The following RMST variants were observed in gnomAD, a reference collection of about 807,000 sequenced individuals.
RMST encodes rhabdomyosarcoma 2 associated transcript.
At chr12:97,464,793 T>C (rs979022110) in intron 4 of RMST, 8 of 152,216 alleles carry the variant, frequency 5.3e-5, no homozygotes, top group African/African-American at 1.9e-4. Flanking sequence ...CCTTGATTTA[T>C]GTCCAAAATC....
chr12:97,557,113 T>C (rs979291884), intron 11 of RMST, among the ~76,000 whole-genome samples: 2 of 152,250 alleles, frequency 1.3e-5, no homozygotes, highest in Non-Finnish European at 2.9e-5. Flanking sequence ...GTCTTGATAA[T>C]AGAATCACAG....
intron 5 of RMST, among the ~76,000 whole-genome samples, chr12:97,492,129 G>C (rs1034335875): frequency 6.6e-6 from 1 of 152,238 alleles, no homozygotes; most frequent in Admixed American, 6.5e-5. Context: ...GAAGAATTCA[G>C]TAATTTATAA....
chr12:97,507,310 C>T (rs527293582), intron 10 of RMST, among the ~76,000 whole-genome samples: 106 of 139,514 alleles, frequency 7.6e-4, no homozygotes, highest in African/African-American at 2.9e-3. Flanking sequence ...ATGGCTAACT[C>T]TGCCAACCAT....
intron 10 of RMST, among the ~76,000 whole-genome samples, chr12:97,519,045 C>T (rs998801995): frequency 1.3e-5 from 2 of 152,096 alleles, no homozygotes; most frequent in African/African-American, 4.8e-5. Context: ...CCCAAAGTGT[C>T]GGGATTACAG....
At chr12:97,531,913 A>G (rs1195826444) in intron 11 of RMST, among the ~76,000 whole-genome samples, 1 of 151,948 alleles carries the variant, frequency 6.6e-6, no homozygotes, top group East Asian at 1.9e-4. Flanking sequence ...AAGCTTTCTC[A>G]TGGTTTTATT....
At chr12:97,527,608 C>G (rs957616536) in intron 10 of RMST, among the ~76,000 whole-genome samples, 9 of 152,104 alleles carry the variant, frequency 5.9e-5, no homozygotes, top group African/African-American at 2.2e-4. Flanking sequence ...TAATCTGTTT[C>G]CAGCAGTTCT....
intron 10 of RMST, among the ~76,000 whole-genome samples, chr12:97,513,671 A>G (rs573952153): frequency 6.6e-6 from 1 of 152,358 alleles, no homozygotes; most frequent in South Asian, 2.1e-4. Flanking sequence ...TTAGAACTGC[A>G]ATGAGTTTTA....
chr12:97,495,339 G>T (rs571581182), intron 9 of RMST, among the ~76,000 whole-genome samples: 11 of 151,982 alleles, frequency 7.2e-5, no homozygotes, highest in Non-Finnish European at 1.2e-4. Flanking sequence ...GATAAGTGGC[G>T]ATTGTGTCTA....
chr12:97,558,306 G>A (rs1463833144), intron 11 of RMST, among the ~76,000 whole-genome samples: 1 of 152,102 alleles, frequency 6.6e-6, no homozygotes, highest in African/African-American at 2.4e-5. Context: ...TCTGGCCGAT[G>A]GCTTATTTAT....
chr12:97,531,497 G>T (rs940447786), intron 11 of RMST, among the ~76,000 whole-genome samples: 5 of 151,976 alleles, frequency 3.3e-5, no homozygotes, highest in Non-Finnish European at 7.4e-5. Flanking sequence ...GAATATTTAA[G>T]ATTTGAGGAG....
intron 10 of RMST, among the ~76,000 whole-genome samples, chr12:97,510,094 CTG>C (rs1248527077): frequency 2.0e-5 from 3 of 152,046 alleles, no homozygotes; most frequent in Non-Finnish European, 4.4e-5. Flanking sequence ...CATTTATACT[CTG>C]AGATTTATAA....
Position 97,522,491 on chromosome 12 carries a change from T to C in RMST, n.1341-8164T>C, listed in dbSNP as rs148217273. On this transcript the variant is annotated intron_variant and non_coding_transcript_variant, in intron 10 of 13. Coordinates refer to ENST00000640149, the Ensembl canonical transcript of RMST. ...CCCTTATGCTCTCTGATCATGCCTTTTGCTTTATGGTCACATGTGGCCTCA... is the reference window on the plus strand; with the variant it reads ...CCCTTATGCTCTCTGATCATGCCTTCTGCTTTATGGTCACATGTGGCCTCA... 6.1e-4 allele frequency among the ~76,000 whole-genome samples: 93 copies of C among 152,284 alleles called. 3 individuals carry two copies. In the East Asian group the frequency reaches 0.014, roughly 23 times the overall value.
chr12:97,505,477 A>T (rs565649477), intron 10 of RMST, among the ~76,000 whole-genome samples: 5 of 152,372 alleles, frequency 3.3e-5, no homozygotes, highest in Middle Eastern at 3.4e-3. Context: ...AAACTCAGTA[A>T]CATTTGTGTT....
At chr12:97,526,034 T>A (rs556079153) in intron 10 of RMST, among the ~76,000 whole-genome samples, 217 of 152,028 alleles carry the variant, frequency 1.4e-3, no homozygotes, top group African/African-American at 4.9e-3. Flanking sequence ...CTCAGATGGG[T>A]CCATCTAGTT....
intron 11 of RMST, among the ~76,000 whole-genome samples, chr12:97,539,009 CTGTT>C (rs908048373): frequency 5.9e-5 from 9 of 151,380 alleles, no homozygotes; most frequent in African/African-American, 1.5e-4. Flanking sequence ...TATGAGTTAA[CTGTT>C]TGGGCCATTT....
intron 5 of RMST, among the ~76,000 whole-genome samples, chr12:97,488,305 G>C (rs1876355704): frequency 6.6e-6 from 1 of 152,182 alleles, no homozygotes; most frequent in South Asian, 2.1e-4. Flanking sequence ...TTGAACCTGG[G>C]AGGTGGAGGT....
chr12:97,522,685 T>G (rs2058295880), intron 10 of RMST, among the ~76,000 whole-genome samples: 1 of 151,628 alleles, frequency 6.6e-6, no homozygotes, highest in African/African-American at 2.4e-5. Flanking sequence ...ATAAAAAGAT[T>G]AGAAATACAA....
intron 10 of RMST, among the ~76,000 whole-genome samples, chr12:97,514,845 G>A (rs1879774520): frequency 6.6e-6 from 1 of 152,116 alleles, no homozygotes; most frequent in African/African-American, 2.4e-5. Flanking sequence ...TGTTGCTGAT[G>A]AAATAGAAGT....
chr12:97,490,089 G>A (rs749916855), intron 5 of RMST, among the ~76,000 whole-genome samples: 1 of 152,120 alleles, frequency 6.6e-6, no homozygotes, highest in Admixed American at 6.5e-5. Flanking sequence ...ATCTTAAAAT[G>A]TAAGTTTTGA....
Sources: allele counts gnomAD v4.1 joint callset (sites outside exome capture counted in the v4.1 genomes callset), GRCh38; gene constraint gnomAD v4.1.1; transcripts MANE v1.5; gene names NCBI Gene and HGNC (gene_info 2026-07-23, HGNC 2026-07-21).